The following WIPI2 variants were observed in gnomAD, a reference collection of about 807,000 sequenced individuals.
The protein encoded by WIPI2 is WD repeat domain, phosphoinositide interacting 2.
Under a neutral mutation model 52.3 loss-of-function variants are expected in WIPI2, and 28 were observed. The observed-to-expected ratio is 0.54, with a 90% CI of 0.40 to 0.73. The LOEUF is 0.73. WIPI2 is among the 30% of genes least tolerant of loss of function. The probability of loss-of-function intolerance (pLI) is 0.00; values close to 1 mark genes in which losing one functional copy is unlikely to be tolerated. For missense variants in WIPI2, 506 were observed against 602.9 expected (o/e 0.84, Z 1.68); for synonymous variants, 268 against 245.0 (o/e 1.09, Z -0.88).
intron 2 of WIPI2, among the ~76,000 whole-genome samples, chr7:5,198,816 T>C (rs1456988030): frequency 1.3e-5 from 2 of 152,224 alleles, no homozygotes; most frequent in Non-Finnish European, 2.9e-5. Flanking sequence ...ATTGTATCTG[T>C]TGAAGGTATA....
In WIPI2 at chr7:5,230,300, G is replaced by A. The variant is rs1380838720; in HGVS notation, c.1253-535G>A. Among the ~76,000 whole-genome samples, 1 of 152,098 alleles carries A rather than the reference G, an allele frequency of 6.6e-6. No individual in the cohort carries two copies. The highest frequency in any genetic ancestry group is 1.5e-5 in the Non-Finnish European group (1 of 68,040). ...AGTGCAGAAGCTGTAGGGGAATGAG[G>A]CCAATGGGCTCCCCTCCGGCGGCAG... On this transcript the variant is annotated intron_variant, in intron 12 of 12. Coordinates refer to ENST00000288828, the MANE Select transcript of WIPI2 (RefSeq NM_015610.4). The surrounding 1 kb of genome is among the most constrained non-coding windows in gnomAD (Gnocchi z 4.8).
rs1781414689 is a variant in WIPI2, at chr7:5,190,391, G to A, written c.-29G>A. On this transcript the variant is annotated 5_prime_UTR_variant, in exon 1 of 13. Transcript: ENST00000288828. Reference sequence around the variant, plus strand: ...CCGCCCTCGCGCGCGCGCCCTCCCCGGCCGGGCCCACTCGCCGCGCGCCCA... The same window carrying A: ...CCGCCCTCGCGCGCGCGCCCTCCCCAGCCGGGCCCACTCGCCGCGCGCCCA... 1 of 1,350,470 alleles carries A rather than the reference G, an allele frequency of 7.4e-7. No individual in the cohort carries two copies. Among genetic ancestry groups the A allele is most frequent in the Non-Finnish European group, 9.6e-7 (1 of 1,046,960 alleles). The allele number at this position is 1,350,470 out of a possible 1,614,324, so 83.7% of individuals were successfully genotyped here. A position where few individuals can be genotyped will look rare whatever the true frequency, so the allele number is the denominator to read the frequency against.
At chr7:5,225,992 C>A in intron 9 of WIPI2, 62 bp downstream of exon 9, 1 of 1,502,368 alleles carries the variant, frequency 6.7e-7, no homozygotes, top group Non-Finnish European at 9.1e-7. Flanking sequence ...CACTTGCTGC[C>A]GGGATGAGAG....
In WIPI2 at chr7:5,233,180, C is replaced by T. The variant is rs1783811733; in HGVS notation, c.*2233C>T. ...TGGTCGAGAAGAATGAAGAGGATTT[C>T]TGTGTTTGCTGAGCAGCCATTGTGG... On this transcript the variant is annotated 3_prime_UTR_variant, in exon 13 of 13. Coordinates refer to ENST00000288828, the MANE Select transcript of WIPI2 (RefSeq NM_015610.4). The T allele has an allele frequency of 6.6e-6, 1 of 152,320 alleles. No individual in the cohort carries two copies. The highest frequency in any genetic ancestry group is 1.5e-5 in the Non-Finnish European group (1 of 68,124). The allele number at this position is 152,320 out of a possible 1,614,324, so 9.4% of individuals were successfully genotyped here. A position where few individuals can be genotyped will look rare whatever the true frequency, so the allele number is the denominator to read the frequency against.
At chr7:5,203,138 ATTTAC>A (rs1403721242) in intron 3 of WIPI2, among the ~76,000 whole-genome samples, 1 of 152,084 alleles carries the variant, frequency 6.6e-6, no homozygotes, top group African/African-American at 2.4e-5. Flanking sequence ...GAAACTAATC[ATTTAC>A]TTTACGGGCC....
At chr7:5,191,968 T>G (rs548396993) in intron 1 of WIPI2, among the ~76,000 whole-genome samples, 1 of 152,264 alleles carries the variant, frequency 6.6e-6, no homozygotes, top group South Asian at 2.1e-4. Context: ...GTCTGGGTTT[T>G]GGAATTGGTT....
At chr7:5,222,266 T>A (rs1783180360) in intron 7 of WIPI2, among the ~76,000 whole-genome samples, 1 of 152,216 alleles carries the variant, frequency 6.6e-6, no homozygotes, top group Non-Finnish European at 1.5e-5. Context: ...TTATTTTTAA[T>A]AGTTTAAACT....
At chr7:5,211,210 G>A (rs1032996804) in intron 3 of WIPI2, among the ~76,000 whole-genome samples, 4 of 152,324 alleles carry the variant, frequency 2.6e-5, no homozygotes, top group East Asian at 3.9e-4. Flanking sequence ...GGTGGCTCAC[G>A]CCTGTAATCC....
intron 7 of WIPI2, among the ~76,000 whole-genome samples, chr7:5,220,774 C>T (rs1008117626): frequency 6.6e-6 from 1 of 151,906 alleles, no homozygotes; most frequent in South Asian, 2.1e-4. Context: ...CTGCATTCAG[C>T]TTAGATAGTC....
At chr7:5,190,675 C>T (rs905859546) in intron 1 of WIPI2, 182 bp downstream of exon 1, 26 of 478,996 alleles carry the variant, frequency 5.4e-5, no homozygotes, top group Non-Finnish European at 8.1e-5. Flanking sequence ...CCAGGGAGAC[C>T]CTCGGGTGCT....
In WIPI2 at chr7:5,232,771, C is replaced by G. The variant is rs1562415698; in HGVS notation, c.*1824C>G. The G allele has an allele frequency of 6.4e-6, 1 of 157,056 alleles. No individual in the cohort carries two copies. The highest frequency in any genetic ancestry group is 1.4e-5 in the Non-Finnish European group (1 of 71,516). 9.7% of individuals were successfully genotyped at this position (157,056 alleles called of 1,614,324 possible). A position where few individuals can be genotyped will look rare whatever the true frequency, so the allele number is the denominator to read the frequency against. ...AAAGTGTGCACAAGAGATACGGAACCCTGAGCTAGGGTTTCCTGTCACCAA... is the reference window on the plus strand; with the variant it reads ...AAAGTGTGCACAAGAGATACGGAACGCTGAGCTAGGGTTTCCTGTCACCAA... On this transcript the variant is annotated 3_prime_UTR_variant, in exon 13 of 13. Transcript: ENST00000288828.
At chr7:5,210,617 G>A (rs551846426) in intron 3 of WIPI2, among the ~76,000 whole-genome samples, 1 of 152,344 alleles carries the variant, frequency 6.6e-6, no homozygotes, top group Non-Finnish European at 1.5e-5. Context: ...TCTGCTGTTT[G>A]TGTTGAATGG....
intron 3 of WIPI2, among the ~76,000 whole-genome samples, chr7:5,210,840 T>G (rs991652460): frequency 2.0e-5 from 3 of 152,212 alleles, no homozygotes; most frequent in Non-Finnish European, 4.4e-5. Context: ...AAAGACAACC[T>G]CGTTTTGTGT....
rs893071391 is a variant in WIPI2, at chr7:5,231,248, C to T, written c.*301C>T. On this transcript the variant is annotated 3_prime_UTR_variant, in exon 13 of 13. Transcript: ENST00000288828. ...AACCTCCTCGCTTTGCATGCATGAACGTGCCAAGCCAGCATAGGGGAGCTA... is the reference window on the plus strand; with the variant it reads ...AACCTCCTCGCTTTGCATGCATGAATGTGCCAAGCCAGCATAGGGGAGCTA... The T allele has an allele frequency of 2.2e-5, 6 of 278,742 alleles. No homozygotes were observed. The highest frequency in any genetic ancestry group is 8.8e-5 in the African/African-American group (4 of 45,340). 17.3% of individuals were successfully genotyped at this position (278,742 alleles called of 1,614,324 possible). A position where few individuals can be genotyped will look rare whatever the true frequency, so the allele number is the denominator to read the frequency against.
In WIPI2 at chr7:5,231,563, T is replaced by C. The variant is rs539923906; in HGVS notation, c.*616T>C. Reference sequence around the variant, plus strand: ...TTCTTCCATGGTGGACTTTTGTTTCTGATCTTGTTTTCCCTGTGGATATTG... The same window carrying C: ...TTCTTCCATGGTGGACTTTTGTTTCCGATCTTGTTTTCCCTGTGGATATTG... On this transcript the variant is annotated 3_prime_UTR_variant, in exon 13 of 13. Coordinates refer to ENST00000288828, the MANE Select transcript of WIPI2 (RefSeq NM_015610.4). 6.6e-5 allele frequency: 10 copies of C among 152,424 alleles called. No individual in the cohort carries two copies. In the South Asian group the frequency reaches 1.9e-3, roughly 28 times the overall value. The allele number at this position is 152,424 out of a possible 1,614,324, so 9.4% of individuals were successfully genotyped here. A position where few individuals can be genotyped will look rare whatever the true frequency, so the allele number is the denominator to read the frequency against.
intron 7 of WIPI2, among the ~76,000 whole-genome samples, chr7:5,221,671 C>G (rs777100989): frequency 9.9e-5 from 15 of 152,188 alleles, no homozygotes; most frequent in Non-Finnish European, 1.9e-4. Context: ...CTGATATTAA[C>G]TTGGGGGAAG....
intron 3 of WIPI2, among the ~76,000 whole-genome samples, chr7:5,204,027 C>G (rs1782173734): frequency 6.6e-6 from 1 of 152,160 alleles, no homozygotes; most frequent in Non-Finnish European, 1.5e-5. Context: ...TCTTTGCTTT[C>G]TTTTGATTAT....
At chr7:5,193,035 C>T (rs1781553465) in intron 1 of WIPI2, 83 bp from the exon 2 acceptor site, 1 of 1,356,192 alleles carries the variant, frequency 7.4e-7, no homozygotes, top group Non-Finnish European at 1.0e-6. Context: ...CGTACTTTTT[C>T]ATGATTCCTA....
rs927298311 is a variant in WIPI2 at position 5,225,205 on chromosome 7, A to G, written c.741-618A>G. Among the ~76,000 whole-genome samples, 4 of 151,168 alleles carry G rather than the reference A, an allele frequency of 2.6e-5. No homozygotes were observed. In the East Asian group the frequency reaches 5.8e-4, roughly 22 times the overall value. ...GCCCAGGCTGGAGTGCAGTGGTGCGATCTCAGCTCACTGCAACCTCTGCCT... is the reference window on the plus strand; with the variant it reads ...GCCCAGGCTGGAGTGCAGTGGTGCGGTCTCAGCTCACTGCAACCTCTGCCT... On this transcript the variant is annotated intron_variant, in intron 8 of 12. Coordinates refer to ENST00000288828, the MANE Select transcript of WIPI2 (RefSeq NM_015610.4).
Sources: gnomAD v4.1 joint callset for allele counts (sites outside exome capture counted in the v4.1 genomes callset) on GRCh38, gnomAD v4.1.1 for gene constraint, Gnocchi (gnomAD v3.1) non-coding constraint, MANE v1.5 for transcripts, NCBI Gene and HGNC (gene_info 2026-07-23, HGNC 2026-07-21) for gene names.